Variants in DNASE1 observed in about 807,000 individuals in gnomAD.
DNASE1 encodes the protein deoxyribonuclease-1.
Under a neutral mutation model 33.9 loss-of-function variants are expected in DNASE1, and 40 were observed. The ratio of observed to expected loss-of-function variants is 1.18; its 90% CI spans 0.92 to 1.54. DNASE1 has a LOEUF of 1.54. Among genes scored for constraint, DNASE1 ranks in the 40% most tolerant of loss-of-function variants. DNASE1 has a pLI of 0.00. For missense variants in DNASE1, 518 were observed against 372.6 expected (o/e 1.39, Z -3.21); for synonymous variants, 216 against 160.0 (o/e 1.35, Z -2.64).
intron 1 of DNASE1, among the ~76,000 whole-genome samples, chr16:3,627,907 A>G (rs769220508): frequency 4.1e-4 from 58 of 142,430 alleles, no homozygotes; most frequent in Admixed American, 7.7e-4. Context: ...GAGATTCCAT[A>G]TGAATTTCAG....
At chr16:3,638,501 C>A (rs375310124), upstream of DNASE1, among the ~76,000 whole-genome samples, 1 of 152,138 alleles carries the variant, frequency 6.6e-6, no homozygotes, top group Non-Finnish European at 1.5e-5. Context: ...CCACACTCAG[C>A]TAATTTTTTG....
chr16:3,653,806 C>CAAAAAAAAAAAAAAAAAAAAAA (rs71133649), upstream of DNASE1: 5 of 37,038 alleles, frequency 1.3e-4, 1 homozygote, highest in East Asian at 3.6e-3. Flanking sequence ...GATTCCGCCT[C>CAAAAAAAAAAAAAAAAAAAAAA]AAAAAAAAAA....
intron 1 of DNASE1, among the ~76,000 whole-genome samples, chr16:3,613,908 A>ATTTTTTTTTTTT (rs200976238): frequency 8.4e-4 from 95 of 113,134 alleles, no homozygotes; most frequent in African/African-American, 3.4e-3. Context: ...CGCCTGGCTA[A>ATTTTTTTTTTTT]TTTTTTTTTT....
intron 1 of DNASE1, among the ~76,000 whole-genome samples, chr16:3,612,463 C>T (rs1364286152): frequency 6.6e-6 from 1 of 151,222 alleles, no homozygotes; most frequent in Non-Finnish European, 1.5e-5. Flanking sequence ...GTTGCCCAGG[C>T]TGGTCTCCAA....
At chr16:3,658,284 T>TTC, downstream of DNASE1, 1 of 1,393,160 alleles carries the variant, frequency 7.2e-7, no homozygotes, top group East Asian at 2.4e-5. Flanking sequence ...CCTTTTCATT[T>TTC]TTTTTTTTTT....
chr16:3,619,684 A>AT (rs34735737), intron 1 of DNASE1, among the ~76,000 whole-genome samples: 4 of 149,574 alleles, frequency 2.7e-5, no homozygotes, highest in Admixed American at 1.3e-4. Flanking sequence ...TAAAAAAAAA[A>AT]TTTTTTTTGT....
exon 10 of DNASE1, chr16:3,664,259 C>T: frequency 6.4e-7 from 1 of 1,559,248 alleles, no homozygotes; most frequent in Non-Finnish European, 8.7e-7. Flanking sequence ...CCCGCCCCAC[C>T]CACCGCTCAC....
rs181288619 is a variant in DNASE1, at chr16:3,647,996, C to T, written c.-86+4960C>T. 4.9e-3 allele frequency among the ~76,000 whole-genome samples: 744 copies of T among 152,190 alleles called. 5 individuals carry two copies. The highest frequency in any genetic ancestry group is 8.2e-3 in the Non-Finnish European group (559 of 68,014). On this transcript the variant is annotated intron_variant, in intron 1 of 9. Coordinates refer to the DNASE1 transcript ENST00000407479. ...CAGCCTGGCCAACATGGCAAAACCC[C>T]GTCTTTACTGAAAATACAAAACTTA...
rs139583800 is a variant in DNASE1, at chr16:3,657,810, C to T, written c.795C>T (p.Asp265=). 4.3e-6 allele frequency: 7 copies of T among 1,613,888 alleles called. No homozygotes were observed. The African/African-American group carries it at 5.3e-5, about 12-fold the overall frequency. Residue 265 remains aspartate, a synonymous_variant, in exon 8 of 9, where the codon GAC becomes GAT. Transcript: ENST00000246949. ...FNFQAAYGLS[D]QLAQAISDHY... The stretch of plus-strand genomic sequence containing the variant: ...TCCAGGCTGCCTATGGCCTGAGTGA[C>T]CAACTGGTATGTGTCCTCCCTTGCA...
At chr16:3,663,873 A>AC in exon 10 of DNASE1, 1 of 381,608 alleles carries the variant, frequency 2.6e-6, no homozygotes, top group South Asian at 3.6e-5. Context: ...GGAGTTCGAG[A>AC]CCAACATGGT....
intron 1 of DNASE1, among the ~76,000 whole-genome samples, chr16:3,619,197 G>C (rs2041214175): frequency 6.6e-6 from 1 of 151,730 alleles, no homozygotes; most frequent in Non-Finnish European, 1.5e-5. Context: ...ACCACACCTG[G>C]CTAATTTTTT....
downstream of DNASE1, chr16:3,662,044 G>A (rs201211570): frequency 9.1e-5 from 146 of 1,613,228 alleles, no homozygotes; most frequent in Non-Finnish European, 1.2e-4. Context: ...CTGGGTCTTG[G>A]CCAGCTGCTG....
At chr16:3,658,716 C>G (rs374867889), downstream of DNASE1, 10 of 1,365,152 alleles carry the variant, frequency 7.3e-6, no homozygotes, top group African/African-American at 4.3e-5. Flanking sequence ...TAGAGGAAAC[C>G]GCTGTTCCAC....
intron 1 of DNASE1, among the ~76,000 whole-genome samples, chr16:3,643,564 C>T (rs2151194629): frequency 6.6e-6 from 1 of 152,268 alleles, no homozygotes; most frequent in East Asian, 1.9e-4. Context: ...GTGAGCTGTC[C>T]CTGTCGGGGG....
At chr16:3,658,489 C>T, downstream of DNASE1, 1 of 575,674 alleles carries the variant, frequency 1.7e-6, no homozygotes, top group South Asian at 2.1e-5. Context: ...TGAGACCATC[C>T]TGGCCAAGAT....
rs1032326270 is a variant in DNASE1 at position 3,654,776 on chromosome 16, A to C, written c.-270A>C. ...CCTATGCGGAAAGCCACACAGAGCC[A>C]TTGTTTTCTGCACTCTCAGGTGACG... On this transcript the variant is annotated 5_prime_UTR_variant, in exon 1 of 9. Transcript: ENST00000246949. 1.7e-5 allele frequency: 7 copies of C among 400,524 alleles called. No homozygotes were observed. Among genetic ancestry groups the C allele is most frequent in the Non-Finnish European group, 3.1e-5 (7 of 227,502 alleles). The allele number at this position is 400,524 out of a possible 1,614,324, so 24.8% of individuals were successfully genotyped here.
intron 1 of DNASE1, among the ~76,000 whole-genome samples, chr16:3,615,443 T>C (rs921013634): frequency 6.6e-6 from 1 of 152,100 alleles, no homozygotes; most frequent in African/African-American, 2.4e-5. Context: ...AGTCACCCAG[T>C]ATGACTAAGT....
chr16:3,658,281 A>ATTT, downstream of DNASE1: 59 of 1,216,262 alleles, frequency 4.9e-5, no homozygotes, highest in South Asian at 5.5e-5. Flanking sequence ...GCACCTTTTC[A>ATTT]TTTTTTTTTT....
chr16:3,662,627 C>G (rs1181875751), downstream of DNASE1: 7 of 664,450 alleles, frequency 1.1e-5, no homozygotes, highest in Non-Finnish European at 1.9e-5. Context: ...AGCTCCCACT[C>G]AGGATGCTGG....
Sources: allele counts gnomAD v4.1 joint callset (sites outside exome capture counted in the v4.1 genomes callset), GRCh38; gene constraint gnomAD v4.1.1; transcripts MANE v1.5; gene names NCBI Gene and HGNC (gene_info 2026-07-23, HGNC 2026-07-21).